Variants in CNR1 observed in about 807,000 individuals in gnomAD.
The protein encoded by CNR1 is cannabinoid receptor 1, also known as cannabinoid receptor 1 (brain).
Under a neutral mutation model 23.0 loss-of-function variants are expected in CNR1, and 10 were observed. The ratio of observed to expected loss-of-function variants is 0.43; its 90% CI spans 0.27 to 0.74. The LOEUF is 0.74. CNR1 is among the 30% of genes least tolerant of loss of function. The pLI is 0.19. For missense variants in CNR1, 422 were observed against 618.8 expected (o/e 0.68, Z 3.37); for synonymous variants, 271 against 255.2 (o/e 1.06, Z -0.59).
chr6:88,147,769 T>C (rs1777285437), intron 1 of CNR1: 1 of 152,356 alleles, frequency 6.6e-6, no homozygotes, highest in South Asian at 2.1e-4. Flanking sequence ...CATAAACGTA[T>C]GCTGATTATG....
chr6:88,146,077 G>A lies in CNR1; in HGVS notation c.-63-740C>T, dbSNP rs146650940. On this transcript the variant is annotated intron_variant, in intron 1 of 1. Transcript: ENST00000369501. ...ACAAAGACCAAACTTGCAATGAGGCGTATAGGAAGACAGAGTTTTTTTTTT... is the reference window on the plus strand; with the variant it reads ...ACAAAGACCAAACTTGCAATGAGGCATATAGGAAGACAGAGTTTTTTTTTT... Among the ~76,000 whole-genome samples, 227 of 152,188 alleles carry A rather than the reference G, an allele frequency of 1.5e-3. 1 individual carries two copies. Among genetic ancestry groups the A allele is most frequent in the African/African-American group, 1.6e-3 (68 of 41,530 alleles).
At chr6:88,156,884 A>C (rs1211204208) in intron 1 of CNR1, among the ~76,000 whole-genome samples, 1 of 152,226 alleles carries the variant, frequency 6.6e-6, no homozygotes, top group African/African-American at 2.4e-5. Flanking sequence ...TCTCATACAA[A>C]CAACCATCTG....
intron 1 of CNR1, among the ~76,000 whole-genome samples, chr6:88,160,065 C>T (rs147602354): frequency 0.015 from 2,277 of 152,108 alleles, 57 homozygotes; most frequent in African/African-American, 0.053. Flanking sequence ...CGGTAGCACA[C>T]GCCTGTAATC....
intron 1 of CNR1, among the ~76,000 whole-genome samples, chr6:88,157,604 A>C (rs923524712): frequency 2.0e-5 from 3 of 152,132 alleles, no homozygotes; most frequent in African/African-American, 7.2e-5. Context: ...GCCTCAAGAA[A>C]GTAATTAAGA....
chr6:88,152,670 G>A (rs964624358), intron 1 of CNR1, among the ~76,000 whole-genome samples: 14 of 152,244 alleles, frequency 9.2e-5, no homozygotes, highest in African/African-American at 1.7e-4. Flanking sequence ...CAGTAATGTC[G>A]AAATACTACT....
chr6:88,157,156 A>G (rs1036418730), intron 1 of CNR1, among the ~76,000 whole-genome samples: 1 of 152,294 alleles, frequency 6.6e-6, no homozygotes, highest in African/African-American at 2.4e-5. Flanking sequence ...CTGTTGATAG[A>G]CCTTTAAAGA....
intron 1 of CNR1, among the ~76,000 whole-genome samples, chr6:88,147,422 CTCTGGGGACACCCAGTCTAGAGGGCT>C (rs1290416919): frequency 1.3e-5 from 2 of 152,184 alleles, no homozygotes; most frequent in Non-Finnish European, 2.9e-5. Context: ...GTACAGGATG[CTCTGGGGACACCCAGTCTAGAGGGCT>C]GAAGGAGGTT....
Position 88,146,334 on chromosome 6 carries a change from G to T in CNR1, c.-63-997C>A, listed in dbSNP as rs113393342. 4.2e-3 allele frequency among the ~76,000 whole-genome samples: 633 copies of T among 152,264 alleles called. 3 individuals are homozygous for T. The highest frequency in any genetic ancestry group is 6.7e-3 in the Non-Finnish European group (454 of 68,012). On this transcript the variant is annotated intron_variant, in intron 1 of 1. Transcript: ENST00000369501. ...TTGGTCGGGCTGGTCTCAAACTCTT[G>T]ACCTCAGGTGATCCACCTGCCTCGG...
intron 1 of CNR1, among the ~76,000 whole-genome samples, chr6:88,158,927 C>G (rs1777942971): frequency 6.6e-6 from 1 of 152,062 alleles, no homozygotes; most frequent in African/African-American, 2.4e-5. Context: ...AGTGGAGAAC[C>G]TCTCCAGTTT....
chr6:88,148,954 A>T (rs1008861787), intron 1 of CNR1, among the ~76,000 whole-genome samples: 6 of 152,184 alleles, frequency 3.9e-5, no homozygotes, highest in African/African-American at 1.4e-4. Flanking sequence ...ATCACTAAGA[A>T]AATTGAGGGT....
chr6:88,145,232 T>C lies in CNR1; in HGVS notation c.43A>G (p.Thr15Ala). 6.2e-7 allele frequency: 1 copy of C among 1,614,026 alleles called. No individual in the cohort carries two copies. Reference protein sequence around the residue: ...LDGLADTTFRTITTDLLYVGS... With the variant: ...LDGLADTTFRAITTDLLYVGS... ...ACGTACAGGAGGTCAGTGGTGATGG[T>C]GCGGAAGGTGGTATCTGCAAGGCCA... is the stretch of plus-strand genomic sequence containing the variant. Residue 15 changes from threonine to alanine, a missense_variant, in exon 2 of 2, where the codon ACC (threonine) becomes GCC (alanine). Physicochemically the swap from Thr to Ala is moderately conservative, Grantham distance 58. Coordinates refer to ENST00000369501, the MANE Select transcript of CNR1 (RefSeq NM_016083.6).
chr6:88,153,297 T>A (rs1359323312), intron 1 of CNR1, among the ~76,000 whole-genome samples: 1 of 152,226 alleles, frequency 6.6e-6, no homozygotes, highest in Non-Finnish European at 1.5e-5. Flanking sequence ...TGTTGTTTTT[T>A]TTAATGTTTA....
chr6:88,143,643 A>G lies in CNR1; in HGVS notation c.*213T>C, dbSNP rs1776955283. On this transcript the variant is annotated 3_prime_UTR_variant, in exon 2 of 2. Transcript: ENST00000369501. ...GAAGGATCGTTCAGTCACTTAAACA[A>G]CAGGCTTTCTTCACTGTAAACCCCT... The G allele has an allele frequency of 3.8e-6, 2 of 520,604 alleles. No individual in the cohort carries two copies. Among genetic ancestry groups the G allele is most frequent in the Non-Finnish European group, 6.8e-6 (2 of 295,074 alleles). The allele number at this position is 520,604 out of a possible 1,614,324, so 32.2% of individuals were successfully genotyped here.
At chr6:88,154,600 A>G (rs1777700691) in intron 1 of CNR1, among the ~76,000 whole-genome samples, 1 of 151,876 alleles carries the variant, frequency 6.6e-6, no homozygotes, top group East Asian at 1.9e-4. Context: ...ATTTTTTGAG[A>G]TGGAGTCTCG....
chr6:88,144,363 G>A lies in CNR1; in HGVS notation c.912C>T (p.His304=), dbSNP rs144233963. The change falls in exon 2 of 2, where the codon CAC becomes CAT. Residue 304 remains histidine (H), a synonymous_variant. Transcript: ENST00000369501. The surrounding 1 kb of genome is among the most constrained non-coding windows in gnomAD (Gnocchi z 7.8). Reference sequence around the variant, plus strand: ...TGCCACGCTGAATCATGCGGACGGCGTGGCTGTGAGCCTTCCAGAGAATAT... The same window carrying A: ...TGCCACGCTGAATCATGCGGACGGCATGGCTGTGAGCCTTCCAGAGAATAT... ...YMYILWKAHS[H]AVRMIQRGTQ... is the part of the protein sequence containing the mutation. The A allele has an allele frequency of 2.2e-3, 3,579 of 1,613,884 alleles. 45 individuals carry two copies. The Middle Eastern group carries it at 0.023, about 10-fold the overall frequency.
chr6:88,153,440 T>C (rs986943507), intron 1 of CNR1, among the ~76,000 whole-genome samples: 7 of 152,218 alleles, frequency 4.6e-5, no homozygotes, highest in Non-Finnish European at 2.9e-5. Flanking sequence ...TAACCCATCA[T>C]ACTCCTTCTC....
At chr6:88,154,821 C>T (rs1777712845) in intron 1 of CNR1, among the ~76,000 whole-genome samples, 1 of 152,236 alleles carries the variant, frequency 6.6e-6, no homozygotes, top group African/African-American at 2.4e-5. Flanking sequence ...TCAAGTGATC[C>T]GCCCACCTCG....
chr6:88,152,629 A>G (rs1777590068), intron 1 of CNR1, among the ~76,000 whole-genome samples: 2 of 152,218 alleles, frequency 1.3e-5, no homozygotes, highest in Non-Finnish European at 2.9e-5. Context: ...TACAGTTAAT[A>G]ATATATGGAT....
At position 88,144,386 on chromosome 6, in the gene CNR1, T is replaced by C. The variant is rs1777023926; in HGVS notation, c.889A>G (p.Ile297Val). The stretch of plus-strand genomic sequence containing the variant: ...GCGTGGCTGTGAGCCTTCCAGAGAA[T>C]ATACATGTACGCATACACGATGAAC... Reference protein sequence around the residue: ...LLFIVYAYMYILWKAHSHAVR... With the variant: ...LLFIVYAYMYVLWKAHSHAVR... The change falls in exon 2 of 2, where the codon ATT becomes GTT. Residue 297 changes from isoleucine (I) to valine (V), a missense_variant. This residue lies in a region of CNR1 where 211 missense variants were observed against 357.3 expected (regional missense o/e 0.59). Transcript: ENST00000369501. This position sits in a 1 kb window ranked among gnomAD's most constrained non-coding sequence, Gnocchi z 7.8. The C allele has an allele frequency of 3.7e-6, 6 of 1,613,896 alleles. No individual in the cohort carries two copies. In the East Asian group the frequency reaches 6.7e-5, roughly 18 times the overall value.
Sources: gnomAD v4.1 joint callset for allele counts (sites outside exome capture counted in the v4.1 genomes callset) on GRCh38, gnomAD v4.1.1 for gene constraint, gnomAD v4.1.1 regional missense constraint, Gnocchi (gnomAD v3.1) non-coding constraint, MANE v1.5 for transcripts, NCBI Gene and HGNC (gene_info 2026-07-23, HGNC 2026-07-21) for gene names.